Variants in SLC1A2 observed in about 807,000 individuals in gnomAD.
SLC1A2 encodes solute carrier family 1 member 2, also known as excitatory amino acid transporter 2.
In SLC1A2, 15 loss-of-function variants were observed where a neutral mutation model predicts 48.8. The observed-to-expected ratio is 0.31, with a 90% CI of 0.21 to 0.47. The LOEUF is 0.47. Ranked by LOEUF, SLC1A2 falls within the 20% of genes least tolerant of loss-of-function variation. The pLI is 0.99. For synonymous variants in SLC1A2, 279 were observed against 272.6 expected (o/e 1.02, Z -0.23); for missense variants, 502 against 730.5 (o/e 0.69, Z 3.61).
At chr11:35,311,672 T>A (rs904809775) in intron 4 of SLC1A2, among the ~76,000 whole-genome samples, 1 of 152,114 alleles carries the variant, frequency 6.6e-6, no homozygotes, top group Non-Finnish European at 1.5e-5. Flanking sequence ...TCCAGATTCA[T>A]CTCTTGGAGA....
At chr11:35,349,274 G>T (rs1320088939) in intron 1 of SLC1A2, among the ~76,000 whole-genome samples, 2 of 152,116 alleles carry the variant, frequency 1.3e-5, no homozygotes, top group Non-Finnish European at 2.9e-5. Flanking sequence ...AATCACAAAA[G>T]AATCAAAAAT....
At chr11:35,393,004 A>C (rs1277944784) in intron 1 of SLC1A2, among the ~76,000 whole-genome samples, 1 of 152,202 alleles carries the variant, frequency 6.6e-6, no homozygotes, top group Non-Finnish European at 1.5e-5. Context: ...ACAACCGTCC[A>C]AGATAGGTGC....
chr11:35,314,788 T>TTC lies in SLC1A2; in HGVS notation c.310+234_310+235insGA, dbSNP rs1851818479. 3.3e-5 allele frequency among the ~76,000 whole-genome samples: 5 copies of TTC among 150,928 alleles called. No homozygotes were observed. In the South Asian group the frequency reaches 1.0e-3, roughly 32 times the overall value. ...TGGCTGTGTTTCCTTTTCTTTTCTTTTTTTTTTTTTCTTTTTTTTGCTGGA... is the reference window on the plus strand; with the variant it reads ...TGGCTGTGTTTCCTTTTCTTTTCTTTTCTTTTTTTTTTCTTTTTTTTGCTGGA... On this transcript the variant is annotated intron_variant, in intron 3 of 10. Transcript: ENST00000278379.
chr11:35,345,122 A>G (rs901297484), intron 1 of SLC1A2, among the ~76,000 whole-genome samples: 1 of 152,252 alleles, frequency 6.6e-6, no homozygotes, highest in Non-Finnish European at 1.5e-5. Flanking sequence ...TGCTGAACCC[A>G]AGCAATCCAG....
At chr11:35,329,907 A>G (rs1050094098) in intron 1 of SLC1A2, among the ~76,000 whole-genome samples, 1 of 152,204 alleles carries the variant, frequency 6.6e-6, no homozygotes, top group African/African-American at 2.4e-5. Context: ...GATGCTTTAC[A>G]TGCATTATTT....
chr11:35,353,532 T>C (rs1175525145), intron 1 of SLC1A2, among the ~76,000 whole-genome samples: 1 of 152,200 alleles, frequency 6.6e-6, no homozygotes, highest in African/African-American at 2.4e-5. Flanking sequence ...AATCACCTAT[T>C]AAGAGCACAA....
At chr11:35,287,907 C>T (rs1336835199) in intron 7 of SLC1A2, among the ~76,000 whole-genome samples, 1 of 152,194 alleles carries the variant, frequency 6.6e-6, no homozygotes, top group African/African-American at 2.4e-5. Context: ...GGTCCATCCT[C>T]TTGATTTTTT....
chr11:35,274,499 G>T (rs186446444), intron 9 of SLC1A2, among the ~76,000 whole-genome samples: 1 of 152,292 alleles, frequency 6.6e-6, no homozygotes, highest in Admixed American at 6.5e-5. Flanking sequence ...TCAAAGAAAA[G>T]GTTAACGTAG....
intron 1 of SLC1A2, among the ~76,000 whole-genome samples, chr11:35,384,806 T>G (rs1172416657): frequency 6.6e-6 from 1 of 152,158 alleles, no homozygotes; most frequent in Non-Finnish European, 1.5e-5. Context: ...TTTAGAAGGA[T>G]TTTAGAAACC....
At chr11:35,304,390 C>T (rs976287035) in intron 5 of SLC1A2, among the ~76,000 whole-genome samples, 25 of 152,014 alleles carry the variant, frequency 1.6e-4, no homozygotes, top group African/African-American at 5.8e-4. Context: ...CAGAAAAGAC[C>T]ATGGGGGAGT....
In SLC1A2 at chr11:35,419,064, G is replaced by GTAAA; in HGVS notation, c.-99_-98insTTTA. On this transcript the variant is annotated 5_prime_UTR_variant, in exon 1 of 11. Transcript: ENST00000278379. The surrounding 1 kb of genome is among the most constrained non-coding windows in gnomAD (Gnocchi z 5.4). ...TGAGCGCGAAGTGCGGCCGGGAGCG[G>GTAAA]TATTTAAGAGGAGCCTCTGCCCGCC... 9.0e-7 allele frequency: 1 copy of GTAAA among 1,109,254 alleles called. No homozygotes were observed. The highest frequency in any genetic ancestry group is 1.3e-6 in the Non-Finnish European group (1 of 767,212). The allele number at this position is 1,109,254 out of a possible 1,614,324, so 68.7% of individuals were successfully genotyped here. A position where few individuals can be genotyped will look rare whatever the true frequency, so the allele number is the denominator to read the frequency against.
chr11:35,379,559 C>T (rs1368454358), intron 1 of SLC1A2, among the ~76,000 whole-genome samples: 1 of 152,186 alleles, frequency 6.6e-6, no homozygotes, highest in Non-Finnish European at 1.5e-5. Flanking sequence ...GGCTTGAGAA[C>T]ATGCCAAGGA....
intron 1 of SLC1A2, among the ~76,000 whole-genome samples, chr11:35,396,437 G>GA (rs1340392932): frequency 1.8e-4 from 24 of 132,232 alleles, no homozygotes; most frequent in Non-Finnish European, 2.6e-4. Flanking sequence ...GTGATGATGA[G>GA]CATTTTTTCA....
chr11:35,361,868 T>C (rs1286493040), intron 1 of SLC1A2, among the ~76,000 whole-genome samples: 1 of 152,100 alleles, frequency 6.6e-6, no homozygotes, highest in Non-Finnish European at 1.5e-5. Flanking sequence ...TCTCAGCTAC[T>C]CCAAGGGCTG....
chr11:35,384,073 C>T (rs962126080), intron 1 of SLC1A2, among the ~76,000 whole-genome samples: 1 of 152,194 alleles, frequency 6.6e-6, no homozygotes, highest in Non-Finnish European at 1.5e-5. Flanking sequence ...CCAGCCAGGA[C>T]TTTTTTGGTT....
intron 3 of SLC1A2, among the ~76,000 whole-genome samples, chr11:35,314,378 G>A (rs1397939359): frequency 6.6e-6 from 1 of 152,006 alleles, no homozygotes; most frequent in Non-Finnish European, 1.5e-5. Context: ...ACCTTTATCA[G>A]TATCTGAACA....
intron 1 of SLC1A2, among the ~76,000 whole-genome samples, chr11:35,336,964 C>T (rs988119196): frequency 6.6e-5 from 10 of 152,222 alleles, no homozygotes; most frequent in Non-Finnish European, 1.2e-4. Context: ...CAGCAGATTC[C>T]ACAACATTTT....
chr11:35,388,122 A>G (rs1481440683), intron 1 of SLC1A2, among the ~76,000 whole-genome samples: 13 of 152,224 alleles, frequency 8.5e-5, no homozygotes. Context: ...TCTACGTATC[A>G]ACCCTCGGGG....
chr11:35,334,908 T>C (rs535019662), intron 1 of SLC1A2, among the ~76,000 whole-genome samples: 23 of 152,246 alleles, frequency 1.5e-4, no homozygotes, highest in Middle Eastern at 3.4e-3. Context: ...TTGTACAATA[T>C]GAGAAGTGAC....
Sources: allele counts gnomAD v4.1 joint callset (sites outside exome capture counted in the v4.1 genomes callset), GRCh38; gene constraint gnomAD v4.1.1; non-coding constraint Gnocchi (gnomAD v3.1); transcripts MANE v1.5; gene names NCBI Gene and HGNC (gene_info 2026-07-23, HGNC 2026-07-21).